PDE4D: variants seen among roughly 807,000 people sequenced by gnomAD.
The protein encoded by PDE4D is phosphodiesterase 4D, also known as 3',5'-cyclic-AMP phosphodiesterase 4D.
PDE4D carries 24 observed loss-of-function variants against 87.4 expected under a neutral mutation model. The observed-to-expected ratio is 0.27, with a 90% CI of 0.20 to 0.39. The LOEUF (loss-of-function observed/expected upper bound fraction) is 0.39. Among genes scored for constraint, PDE4D ranks in the 10% least tolerant of loss-of-function variants. The pLI, the probability that PDE4D is intolerant of heterozygous loss-of-function variation, is 1.00. For missense variants in PDE4D, 714 were observed against 1,041.0 expected, an observed-to-expected ratio of 0.69 and a Z score of 4.32; for synonymous variants, 384 against 383.2, an observed-to-expected ratio of 1.00 and a Z score of -0.02.
chr5:60,119,118 G>T (rs1048832785), intron 2 of PDE4D, among the ~76,000 whole-genome samples: 1 of 152,092 alleles, frequency 6.6e-6, no homozygotes, highest in Non-Finnish European at 1.5e-5. Flanking sequence ...TTGTTGGTCT[G>T]CCCTTTAAGG....
At chr5:59,993,219 T>C (rs1018474574) in intron 2 of PDE4D, among the ~76,000 whole-genome samples, 1 of 152,184 alleles carries the variant, frequency 6.6e-6, no homozygotes, top group African/African-American at 2.4e-5. Context: ...GTAGGGCTTA[T>C]GAGTCTGAAT....
intron 1 of PDE4D, among the ~76,000 whole-genome samples, chr5:59,391,742 A>T (rs1788279074): frequency 6.6e-6 from 1 of 151,922 alleles, no homozygotes; most frequent in Non-Finnish European, 1.5e-5. Context: ...CTGTCCCTCC[A>T]TGATGGCAGG....
intron 1 of PDE4D, among the ~76,000 whole-genome samples, chr5:59,550,915 C>T (rs530465966): frequency 1.2e-4 from 19 of 152,164 alleles, no homozygotes; most frequent in African/African-American, 4.6e-4. Context: ...TCAGGCTGGT[C>T]TCAAACTCCT....
intron 1 of PDE4D, among the ~76,000 whole-genome samples, chr5:60,368,512 T>C (rs1263601778): frequency 6.6e-6 from 1 of 152,204 alleles, no homozygotes; most frequent in East Asian, 1.9e-4. Flanking sequence ...CTGTTGGTAT[T>C]GAGAAAGCAG....
At chr5:59,205,833 T>C (rs977927295) in intron 2 of PDE4D, among the ~76,000 whole-genome samples, 1 of 152,034 alleles carries the variant, frequency 6.6e-6, no homozygotes, top group Non-Finnish European at 1.5e-5. Flanking sequence ...CCCTTGGGAG[T>C]GAAACAATGA....
intron 1 of PDE4D, among the ~76,000 whole-genome samples, chr5:59,423,151 T>C (rs1794719095): frequency 6.6e-6 from 1 of 152,164 alleles, no homozygotes; most frequent in Non-Finnish European, 1.5e-5. Flanking sequence ...TCAGACACCT[T>C]ATCCTTTTAG....
At chr5:59,344,540 A>G (rs571675031) in intron 1 of PDE4D, among the ~76,000 whole-genome samples, 2 of 152,158 alleles carry the variant, frequency 1.3e-5, no homozygotes, top group African/African-American at 4.8e-5. Context: ...CTGAGACTAC[A>G]GGCAGGCACC....
At chr5:59,892,169 C>T (rs1751049753) in intron 1 of PDE4D, among the ~76,000 whole-genome samples, 3 of 152,082 alleles carry the variant, frequency 2.0e-5, no homozygotes, top group Admixed American at 2.0e-4. Context: ...AAACGTGGGC[C>T]CCACATCCAC....
chr5:60,316,561 G>A (rs759094663), intron 1 of PDE4D, among the ~76,000 whole-genome samples: 1 of 152,160 alleles, frequency 6.6e-6, no homozygotes, highest in African/African-American at 2.4e-5. Context: ...CCTCTGTCTT[G>A]TGCCAGTTTT....
intron 2 of PDE4D, among the ~76,000 whole-genome samples, chr5:60,107,693 G>T (rs1427579323): frequency 1.3e-5 from 2 of 152,146 alleles, no homozygotes; most frequent in East Asian, 3.8e-4. Context: ...GGGATGCAAG[G>T]CTGGTTCAAT....
At chr5:60,489,092 CTAAAA>C (rs375917098), upstream of PDE4D, among the ~76,000 whole-genome samples, 665 of 152,248 alleles carry the variant, frequency 4.4e-3, 6 homozygotes, top group African/African-American at 0.015. Context: ...ATAGAGGCAA[CTAAAA>C]TAAGAAAGCA....
At chr5:59,859,308 G>A (rs1215266565) in intron 1 of PDE4D, among the ~76,000 whole-genome samples, 3 of 152,070 alleles carry the variant, frequency 2.0e-5, no homozygotes, top group African/African-American at 7.2e-5. Context: ...AGGACAGTTC[G>A]CTATGTTTGA....
intron 2 of PDE4D, among the ~76,000 whole-genome samples, chr5:60,087,329 CA>C (rs1188481204): frequency 2.6e-5 from 4 of 152,154 alleles, no homozygotes; most frequent in African/African-American, 7.2e-5. Flanking sequence ...ACACAAGCAT[CA>C]ACATAAAGAC....
chr5:59,943,317 A>G (rs1410854842), intron 3 of PDE4D, among the ~76,000 whole-genome samples: 1 of 152,076 alleles, frequency 6.6e-6, no homozygotes, highest in Non-Finnish European at 1.5e-5. Context: ...CTGCAGGCCA[A>G]GTTGCTAAAG....
At chr5:59,589,792 C>G (rs769030222) in intron 1 of PDE4D, among the ~76,000 whole-genome samples, 23 of 152,086 alleles carry the variant, frequency 1.5e-4, no homozygotes, top group Non-Finnish European at 3.1e-4. Flanking sequence ...AAATAAAATA[C>G]AAATGATTTG....
At chr5:59,535,694 T>C (rs914239047) in intron 1 of PDE4D, among the ~76,000 whole-genome samples, 8 of 152,220 alleles carry the variant, frequency 5.3e-5, no homozygotes, top group African/African-American at 1.9e-4. Context: ...TAAAATTGTC[T>C]ATAAAACACT....
intron 6 of PDE4D, among the ~76,000 whole-genome samples, chr5:59,008,973 A>G (rs1188595799): frequency 2.6e-5 from 4 of 152,156 alleles, no homozygotes; most frequent in Non-Finnish European, 5.9e-5. Flanking sequence ...GAAAAGATCC[A>G]TGACCATCAT....
At chr5:59,255,996 A>T (rs768250103) in intron 1 of PDE4D, among the ~76,000 whole-genome samples, 18 of 152,074 alleles carry the variant, frequency 1.2e-4, no homozygotes, top group Non-Finnish European at 2.1e-4. Flanking sequence ...TGTTACAAAA[A>T]CTCCAGCAGA....
intron 1 of PDE4D, among the ~76,000 whole-genome samples, chr5:60,357,119 A>T (rs569261646): frequency 1.3e-5 from 2 of 151,880 alleles, no homozygotes; most frequent in South Asian, 4.2e-4. Context: ...GGGCAAGGAG[A>T]GGGTACCAGG....
Sources: allele counts gnomAD v4.1 joint callset (sites outside exome capture counted in the v4.1 genomes callset), GRCh38; gene constraint gnomAD v4.1.1; transcripts MANE v1.5; gene names NCBI Gene and HGNC (gene_info 2026-07-23, HGNC 2026-07-21).